The following DNAH17 variants were observed in gnomAD, a reference collection of about 807,000 sequenced individuals.
The protein encoded by DNAH17 is axonemal beta dynein heavy chain 17.
A neutral mutation model predicts 485.6 loss-of-function variants in DNAH17; 376 were observed. That is an observed-to-expected ratio of 0.77 (90% confidence interval 0.71 to 0.84). DNAH17 has a LOEUF of 0.84. Ranked by LOEUF, DNAH17 falls within the 40% of genes least tolerant of loss-of-function variation. The pLI is 0.00. For missense variants in DNAH17, 6,370 were observed against 5,839.3 expected, an observed-to-expected ratio of 1.09 and a Z score of -2.96; for synonymous variants, 3,031 against 2,405.9, an observed-to-expected ratio of 1.26 and a Z score of -7.60.
chr17:78,441,320 A>G lies in DNAH17; in HGVS notation c.11529-121T>C, dbSNP rs1474187401. The G allele has an allele frequency of 7.2e-6, 8 of 1,113,598 alleles. No homozygotes were observed. The East Asian group carries it at 2.0e-4, about 28-fold the overall frequency. 69.0% of individuals were successfully genotyped at this position (1,113,598 alleles called of 1,614,324 possible). On this transcript the variant is annotated intron_variant, in intron 71 of 80. Coordinates refer to ENST00000389840, the MANE Select transcript of DNAH17 (RefSeq NM_173628.4). The stretch of plus-strand genomic sequence containing the variant: ...TTTGGTGGACTTTCTTCAGCGGGAC[A>G]AGGCCTGTGGCAGGAGAGCAGAGTC...
chr17:78,476,941 G>A (rs2089058329), intron 51 of DNAH17, among the ~76,000 whole-genome samples: 2 of 152,176 alleles, frequency 1.3e-5, no homozygotes, highest in African/African-American at 4.8e-5. Context: ...TGTCCTGAGA[G>A]ATGTGGAGTT....
intron 47 of DNAH17, 46 bp downstream of exon 47, chr17:78,485,504 G>A (rs973823357): frequency 3.3e-6 from 5 of 1,519,664 alleles, no homozygotes; most frequent in Admixed American, 2.0e-5. Context: ...AACGGGGACT[G>A]GCGGGGGGCA....
At chr17:78,509,945 G>T (rs559995042) in intron 27 of DNAH17, among the ~76,000 whole-genome samples, 2 of 152,342 alleles carry the variant, frequency 1.3e-5, no homozygotes, top group African/African-American at 4.8e-5. Flanking sequence ...CCTTTGGGAG[G>T]CTGAGGCGAG....
In DNAH17 at chr17:78,485,023, C is replaced by G. The variant is rs758656159; in HGVS notation, c.7494G>C (p.Glu2498Asp). ...TTSAMLQGVL[E>D]KPLEKKSGRN... ...TCCCCGATTTCTTCTCCAGCGGCTT[C>G]TCCAGCACCCCTAGAGAGGGCAGAG... The change falls in exon 48 of 81, where the codon GAG (glutamate) becomes GAC (aspartate). Residue 2498 changes from glutamate (E) to aspartate (D), a missense_variant. Physicochemically the swap from Glu to Asp is conservative, Grantham distance 45 (BLOSUM62 2). Transcript: ENST00000389840. The G allele has an allele frequency of 6.2e-7, 1 of 1,609,474 alleles. No individual in the cohort carries two copies. Among genetic ancestry groups the G allele is most frequent in the Non-Finnish European group, 8.5e-7 (1 of 1,177,856 alleles).
rs185564764 is a variant in DNAH17 at position 78,484,875 on chromosome 17, G to C, written c.7642C>G (p.Arg2548Gly). Reference protein sequence around the residue: ...HTLIRQHMDHRHWYDRHKLTL... With the variant: ...HTLIRQHMDHGHWYDRHKLTL... ...GGCCCCGCCCCGTCTAACCAGTGCC[G>C]GTGGTCCATGTGCTGCCGGATGAGG... Residue 2548 changes from arginine to glycine, a missense_variant, in exon 48 of 81, where the codon CGG (arginine) becomes GGG (glycine). Transcript: ENST00000389840. 7.0e-6 allele frequency: 11 copies of C among 1,561,540 alleles called. No homozygotes were observed. The highest frequency in any genetic ancestry group is 8.7e-6 in the Non-Finnish European group (10 of 1,153,076).
rs368927269 is a variant in DNAH17, at chr17:78,529,519, T to C, written c.3460A>G (p.Lys1154Glu). 6.2e-7 allele frequency: 1 copy of C among 1,613,952 alleles called. No individual in the cohort carries two copies. Among genetic ancestry groups the C allele is most frequent in the Non-Finnish European group, 8.5e-7 (1 of 1,179,884 alleles). The change falls in exon 22 of 81, where the codon AAG becomes GAG. Residue 1154 changes from lysine (K) to glutamate (E), a missense_variant. By Grantham distance (56) the Lys-to-Glu change is moderately conservative. Transcript: ENST00000389840. The stretch of plus-strand genomic sequence containing the variant: ...TCTGGCATCTCCTCCCCGTAGGTCT[T>C]GAGCAGCTCGATGGTTTGCTTCAGG... ...EPLKQTIELL[K>E]TYGEEMPEEI...
chr17:78,552,798 G>T lies in DNAH17; in HGVS notation c.2186C>A (p.Thr729Asn), dbSNP rs751123860. Reference protein sequence around the residue: ...LIVGWYNEIKTIVKAVEFLLI... With the variant: ...LIVGWYNEIKNIVKAVEFLLI... ...TAGAAATTCTACTGCCTTCACTATAGTCTTTATCTGAAAAACAGAGGTGAC... is the reference window on the plus strand; with the variant it reads ...TAGAAATTCTACTGCCTTCACTATATTCTTTATCTGAAAAACAGAGGTGAC... The change falls in exon 15 of 81, where the codon ACT (threonine) becomes AAT (asparagine). Residue 729 changes from threonine (T) to asparagine (N), a missense_variant. Physicochemically the swap from Thr to Asn is moderately conservative, Grantham distance 65. Coordinates refer to ENST00000389840, the MANE Select transcript of DNAH17 (RefSeq NM_173628.4). The T allele has an allele frequency of 2.5e-6, 4 of 1,607,212 alleles. No individual in the cohort carries two copies. The highest frequency in any genetic ancestry group is 3.4e-6 in the Non-Finnish European group (4 of 1,173,824).
In DNAH17 at chr17:78,532,490, G is replaced by A. The variant is rs1310559748; in HGVS notation, c.3106C>T (p.Gln1036Ter). ...PKTPPTLAQF[Q>*]EQIDSYEKLY... ...GTGAGGTCTGCACGCACCTGCTCCT[G>A]GAACTGAGCCAGGGTGGGCGGTGTC... Residue 1036 changes from glutamine to a stop codon, truncating the protein, a stop_gained, in exon 20 of 81, where the codon CAG becomes TAG. Coordinates refer to ENST00000389840, the MANE Select transcript of DNAH17 (RefSeq NM_173628.4). LOFTEE classifies it high-confidence loss of function. 1 of 1,610,346 alleles carries A rather than the reference G, an allele frequency of 6.2e-7. No individual in the cohort carries two copies.
At chr17:78,430,469 C>T (rs2086634526) in intron 75 of DNAH17, among the ~76,000 whole-genome samples, 1 of 152,320 alleles carries the variant, frequency 6.6e-6, no homozygotes, top group Non-Finnish European at 1.5e-5. Flanking sequence ...CCACTGTGCG[C>T]TGGCCGGAAG....
intron 72 of DNAH17, among the ~76,000 whole-genome samples, chr17:78,440,291 C>G (rs964448674): frequency 1.0e-4 from 12 of 114,650 alleles, no homozygotes; most frequent in Non-Finnish European, 2.0e-4. Context: ...GGGTCTTACT[C>G]GGTCGCCCAG....
At chr17:78,490,447 A>G (rs1351423463) in intron 44 of DNAH17, among the ~76,000 whole-genome samples, 1 of 152,150 alleles carries the variant, frequency 6.6e-6, no homozygotes, top group African/African-American at 2.4e-5. Flanking sequence ...CTCCCTTCCC[A>G]CACCAGCCCT....
At position 78,431,359 on chromosome 17, in the gene DNAH17, C is replaced by A. The variant is rs77641301; in HGVS notation, c.12226-2059G>T. On this transcript the variant is annotated intron_variant, in intron 75 of 80. Transcript: ENST00000389840. ...GCAGGAAGACCTGTGCCCCTCTCCC[C>A]CTCCTGGCCCCACACGCTCCTCAGG... is the stretch of plus-strand genomic sequence containing the variant. 3.0e-3 allele frequency among the ~76,000 whole-genome samples: 459 copies of A among 152,258 alleles called. 1 individual carries two copies. Among genetic ancestry groups the A allele is most frequent in the African/African-American group, 9.3e-3 (385 of 41,548 alleles).
At chr17:78,543,137 G>A (rs112607355) in intron 17 of DNAH17, among the ~76,000 whole-genome samples, 24,125 of 151,864 alleles carry the variant, frequency 0.16, 2,056 homozygotes, top group East Asian at 0.31. Context: ...TTTGTTTTGA[G>A]ATAGTCTCAC....
intron 13 of DNAH17, among the ~76,000 whole-genome samples, chr17:78,559,119 C>G (rs143839020): frequency 1.9e-4 from 29 of 152,216 alleles, no homozygotes; most frequent in Non-Finnish European, 3.8e-4. Context: ...GCTGCCTTGA[C>G]CAGCCAGCCC....
chr17:78,551,611 C>T lies in DNAH17; in HGVS notation c.2315G>A (p.Arg772Gln), dbSNP rs749182072. ...GTTCTGCAAGTTGTGCAGAATTTCT[C>T]GCACCTCTTGAATGTACTGAAACAC... ...EGVFQYIQEVREILHNLQNRM... is the reference protein window; with the variant it reads ...EGVFQYIQEVQEILHNLQNRM... Residue 772 changes from arginine (R) to glutamine (Q), a missense_variant, in exon 16 of 81, where the codon CGA (arginine) becomes CAA (glutamine). By Grantham distance (43) the Arg-to-Gln change is conservative. Coordinates refer to ENST00000389840, the MANE Select transcript of DNAH17 (RefSeq NM_173628.4). The T allele has an allele frequency of 8.7e-6, 14 of 1,613,838 alleles. No individual in the cohort carries two copies. Among genetic ancestry groups the T allele is most frequent in the Admixed American group, 1.7e-5 (1 of 60,002 alleles).
intron 50 of DNAH17, 95 bp from the exon 51 acceptor site, chr17:78,479,211 G>T: frequency 1.6e-6 from 2 of 1,250,204 alleles, no homozygotes; most frequent in African/African-American, 1.5e-5. Flanking sequence ...ACTACGAAAT[G>T]GTGACAACTG....
In DNAH17 at chr17:78,475,173, C is replaced by T. The variant is rs546113492; in HGVS notation, c.8511+105G>A. On this transcript the variant is annotated intron_variant, in intron 54 of 80. Coordinates refer to ENST00000389840, the MANE Select transcript of DNAH17 (RefSeq NM_173628.4). ...TTGGATAAGGACTATTGGTGATGCT[C>T]GGATTCCCTGTACTCGCTGGCTTCA... 24 of 1,303,172 alleles carry T rather than the reference C, an allele frequency of 1.8e-5. 1 individual carries two copies. Among genetic ancestry groups the T allele is most frequent in the Middle Eastern group, 2.3e-4 (1 of 4,406 alleles). The allele number at this position is 1,303,172 out of a possible 1,614,324, so 80.7% of individuals were successfully genotyped here.
intron 61 of DNAH17, 67 bp from the exon 62 acceptor site, chr17:78,458,747 G>A (rs2087933785): frequency 7.2e-7 from 1 of 1,389,238 alleles, no homozygotes; most frequent in African/African-American, 1.4e-5. Flanking sequence ...TGCAGCGGCA[G>A]CAGGGCTGGG....
At chr17:78,433,166 TCTGGGCGAGGGGCTC>T (rs1420103125) in intron 75 of DNAH17, among the ~76,000 whole-genome samples, 3 of 152,162 alleles carry the variant, frequency 2.0e-5, no homozygotes, top group African/African-American at 7.2e-5. Flanking sequence ...CCCTCTGCCT[TCTGGGCGAGGGGCTC>T]CTGGGCCTGT....
Sources: allele counts gnomAD v4.1 joint callset (sites outside exome capture counted in the v4.1 genomes callset), GRCh38; gene constraint gnomAD v4.1.1; transcripts MANE v1.5; gene names NCBI Gene and HGNC (gene_info 2026-07-23, HGNC 2026-07-21).